Variants in PTPRZ1 observed in about 807,000 individuals in gnomAD.
PTPRZ1 encodes the protein receptor-type tyrosine-protein phosphatase zeta.
A neutral mutation model predicts 214.1 loss-of-function variants in PTPRZ1; 82 were observed. That is an observed-to-expected ratio of 0.38 (90% confidence interval 0.32 to 0.46). PTPRZ1 has a LOEUF of 0.46. Among genes scored for constraint, PTPRZ1 ranks in the 20% least tolerant of loss-of-function variants. PTPRZ1 has a pLI of 1.00. For synonymous variants in PTPRZ1, 945 were observed against 987.9 expected (o/e 0.96, Z 0.81); for missense variants, 2,603 against 2,748.7 (o/e 0.95, Z 1.19).
At chr7:121,908,869 A>AAT (rs1380700130) in intron 1 of PTPRZ1, 4 of 499,198 alleles carry the variant, frequency 8.0e-6, no homozygotes, top group African/African-American at 7.9e-5. Context: ...ATATATATAA[A>AAT]ATATATAGTG....
intron 12 of PTPRZ1, among the ~76,000 whole-genome samples, chr7:122,015,071 G>A (rs2116671331): frequency 6.6e-6 from 1 of 152,306 alleles, no homozygotes; most frequent in East Asian, 1.9e-4. Context: ...AGCAGATTAT[G>A]TGCAGTGTTT....
chr7:121,918,430 T>C (rs1795490213), intron 1 of PTPRZ1, among the ~76,000 whole-genome samples: 1 of 152,188 alleles, frequency 6.6e-6, no homozygotes, highest in African/African-American at 2.4e-5. Context: ...TGGTTCTTGT[T>C]TTTCATTATC....
At chr7:121,990,207 C>T (rs1460086692) in intron 8 of PTPRZ1, among the ~76,000 whole-genome samples, 1 of 152,008 alleles carries the variant, frequency 6.6e-6, no homozygotes, top group Non-Finnish European at 1.5e-5. Context: ...TCAATAAATG[C>T]ATTGTAGGAA....
intron 1 of PTPRZ1, among the ~76,000 whole-genome samples, chr7:121,923,497 A>G (rs1795662163): frequency 6.6e-6 from 1 of 152,114 alleles, no homozygotes; most frequent in African/African-American, 2.4e-5. Flanking sequence ...ACTTATGGCA[A>G]TAACGTGTGT....
At chr7:122,036,184 C>T (rs1167599944) in intron 17 of PTPRZ1, among the ~76,000 whole-genome samples, 1 of 152,194 alleles carries the variant, frequency 6.6e-6, no homozygotes, top group African/African-American at 2.4e-5. Flanking sequence ...TGAGCCTCCC[C>T]ACCCATCACA....
intron 8 of PTPRZ1, among the ~76,000 whole-genome samples, chr7:121,992,214 G>A (rs1015843987): frequency 2.0e-5 from 3 of 152,098 alleles, no homozygotes; most frequent in East Asian, 1.9e-4. Context: ...CTAAGACTGC[G>A]CCTTTTCCCT....
chr7:121,905,677 A>ACACACACACAC (rs368191821), intron 1 of PTPRZ1, among the ~76,000 whole-genome samples: 2 of 151,774 alleles, frequency 1.3e-5, no homozygotes, highest in Non-Finnish European at 2.9e-5. Context: ...ACACACACAC[A>ACACACACACAC]AATGGTGGGC....
intron 1 of PTPRZ1, among the ~76,000 whole-genome samples, chr7:121,884,962 TC>T (rs1291537982): frequency 1.3e-5 from 2 of 152,146 alleles, no homozygotes; most frequent in Non-Finnish European, 2.9e-5. Context: ...TTTGTGTCCC[TC>T]CCCGTCATTT....
intron 1 of PTPRZ1, among the ~76,000 whole-genome samples, chr7:121,903,501 G>A (rs1318585623): frequency 6.6e-6 from 1 of 152,100 alleles, no homozygotes; most frequent in Non-Finnish European, 1.5e-5. Flanking sequence ...AAAAGCCAGG[G>A]TTCTGTTGCT....
chr7:122,020,092 A>T (rs958364739), intron 13 of PTPRZ1, among the ~76,000 whole-genome samples: 4 of 152,138 alleles, frequency 2.6e-5, no homozygotes, highest in African/African-American at 9.7e-5. Flanking sequence ...AAGATACATA[A>T]TTTTTTTGTT....
chr7:121,887,185 A>G (rs1444207621), intron 1 of PTPRZ1, among the ~76,000 whole-genome samples: 1 of 152,148 alleles, frequency 6.6e-6, no homozygotes, highest in Non-Finnish European at 1.5e-5. Flanking sequence ...TGGTCTCCTC[A>G]TGGGATATAG....
At chr7:121,953,760 A>G (rs903316604) in intron 2 of PTPRZ1, among the ~76,000 whole-genome samples, 1 of 152,200 alleles carries the variant, frequency 6.6e-6, no homozygotes, top group Admixed American at 6.5e-5. Flanking sequence ...AGGAGAGCTC[A>G]GTGTAGATCA....
At position 122,055,126 on chromosome 7, in the gene PTPRZ1, A is replaced by G. The variant is rs1250181948; in HGVS notation, c.6528+39A>G. ...TTAAATGACAAACTTTTTATCTTAA[A>G]CACATGTTAAACATATTCTGACCTA... On this transcript the variant is annotated intron_variant, in intron 27 of 29. Transcript: ENST00000393386. The G allele has an allele frequency of 2.1e-6, 3 of 1,442,400 alleles. No homozygotes were observed. The African/African-American group carries it at 4.4e-5, about 21-fold the overall frequency. 89.4% of individuals were successfully genotyped at this position (1,442,400 alleles called of 1,614,324 possible). A position where few individuals can be genotyped will look rare whatever the true frequency, so the allele number is the denominator to read the frequency against.
intron 2 of PTPRZ1, among the ~76,000 whole-genome samples, chr7:121,937,906 T>C (rs1441476241): frequency 6.6e-6 from 1 of 151,944 alleles, no homozygotes; most frequent in African/African-American, 2.4e-5. Context: ...TCTTCACAAG[T>C]ATTGTAAGTG....
intron 2 of PTPRZ1, among the ~76,000 whole-genome samples, chr7:121,928,499 G>C (rs977732356): frequency 3.9e-4 from 60 of 152,194 alleles, no homozygotes; most frequent in African/African-American, 1.4e-3. Flanking sequence ...ATAACCTGGG[G>C]CTCTGTTTTT....
intron 4 of PTPRZ1, among the ~76,000 whole-genome samples, chr7:121,975,050 G>A (rs1797386420): frequency 6.6e-6 from 1 of 151,950 alleles, no homozygotes; most frequent in Non-Finnish European, 1.5e-5. Context: ...AGCTGAAGAC[G>A]GTGGCATGCA....
intron 2 of PTPRZ1, among the ~76,000 whole-genome samples, chr7:121,930,717 A>G (rs1211332861): frequency 6.6e-6 from 1 of 152,180 alleles, no homozygotes; most frequent in Non-Finnish European, 1.5e-5. Context: ...TATGTTTATT[A>G]AATAATGTAG....
At chr7:122,035,931 GTTATACC>G (rs1287198970) in intron 17 of PTPRZ1, among the ~76,000 whole-genome samples, 1 of 152,124 alleles carries the variant, frequency 6.6e-6, no homozygotes, top group East Asian at 1.9e-4. Context: ...AATTACCATA[GTTATACC>G]TTATATCATT....
intron 1 of PTPRZ1, among the ~76,000 whole-genome samples, chr7:121,903,438 A>G (rs1795027963): frequency 6.6e-6 from 1 of 152,172 alleles, no homozygotes; most frequent in Non-Finnish European, 1.5e-5. Context: ...AAAGCACTAG[A>G]TTTTTCCACT....
Sources: gnomAD v4.1 joint callset for allele counts (sites outside exome capture counted in the v4.1 genomes callset) on GRCh38, gnomAD v4.1.1 for gene constraint, MANE v1.5 for transcripts, NCBI Gene and HGNC (gene_info 2026-07-23, HGNC 2026-07-21) for gene names.